MECOM: variants seen among roughly 807,000 people sequenced by gnomAD.
The protein encoded by MECOM is MDS1 and EVI1 complex locus.
MECOM carries 13 observed loss-of-function variants against 116.3 expected under a neutral mutation model. That is an observed-to-expected ratio of 0.11 (90% CI 0.07 to 0.18). The LOEUF is 0.18. Among genes scored for constraint, MECOM ranks in the 10% least tolerant of loss-of-function variants. The pLI is 1.00. For synonymous variants in MECOM, 528 were observed against 535.2 expected, an observed-to-expected ratio of 0.99 and a Z score of 0.19; for missense variants, 1,299 against 1,509.0, an observed-to-expected ratio of 0.86 and a Z score of 2.31.
chr3:169,183,491 A>C (rs1746253671), intron 2 of MECOM, among the ~76,000 whole-genome samples: 1 of 152,120 alleles, frequency 6.6e-6, no homozygotes, highest in South Asian at 2.1e-4. Context: ...AAGATCAACC[A>C]TCCTAAATAC....
chr3:169,175,603 T>C (rs1046807357), intron 2 of MECOM, among the ~76,000 whole-genome samples: 1 of 152,200 alleles, frequency 6.6e-6, no homozygotes, highest in African/African-American at 2.4e-5. Flanking sequence ...ACACTCAACC[T>C]GTATTATTTC....
At chr3:169,100,347 C>T (rs915054646) in intron 12 of MECOM, among the ~76,000 whole-genome samples, 1 of 152,044 alleles carries the variant, frequency 6.6e-6, no homozygotes. Flanking sequence ...GATCCACCTG[C>T]CTCTGCCTCC....
intron 2 of MECOM, among the ~76,000 whole-genome samples, chr3:169,217,276 T>C (rs1233976579): frequency 2.0e-5 from 3 of 152,132 alleles, no homozygotes. Flanking sequence ...CTTTTTTTTT[T>C]AATAAAACAT....
chr3:169,581,107 C>T (rs1187734335), intron 1 of MECOM, among the ~76,000 whole-genome samples: 1 of 152,206 alleles, frequency 6.6e-6, no homozygotes, highest in South Asian at 2.1e-4. Context: ...AGCATCATAA[C>T]ACAGAGGCTA....
At chr3:169,489,566 G>T (rs1327342618) in intron 1 of MECOM, among the ~76,000 whole-genome samples, 1 of 152,140 alleles carries the variant, frequency 6.6e-6, no homozygotes, top group Non-Finnish European at 1.5e-5. Context: ...TCAGGACAGG[G>T]ACCCAAGGAA....
chr3:169,167,295 C>G (rs919422268), intron 2 of MECOM, among the ~76,000 whole-genome samples: 1 of 152,174 alleles, frequency 6.6e-6, no homozygotes, highest in Non-Finnish European at 1.5e-5. Flanking sequence ...CATATTCACC[C>G]CCTGTGCCTT....
intron 1 of MECOM, among the ~76,000 whole-genome samples, chr3:169,457,521 C>T (rs1746730589): frequency 6.6e-6 from 1 of 152,104 alleles, no homozygotes; most frequent in Non-Finnish European, 1.5e-5. Flanking sequence ...CTGATCATAT[C>T]AGGCCAACTT....
intron 2 of MECOM, among the ~76,000 whole-genome samples, chr3:169,214,427 TA>T (rs567724280): frequency 0.033 from 4,446 of 136,702 alleles, 179 homozygotes; most frequent in African/African-American, 0.11. Flanking sequence ...CAGGAGTGTT[TA>T]AAAAAAAAAA....
chr3:169,479,270 AGTGT>A (rs10629993), intron 1 of MECOM, among the ~76,000 whole-genome samples: 3,216 of 148,686 alleles, frequency 0.022, 42 homozygotes, highest in Non-Finnish European at 0.031. Context: ...TAGGGATGTG[AGTGT>A]GTGTGTGTGT....
At chr3:169,360,661 C>A (rs1312385011) in intron 2 of MECOM, among the ~76,000 whole-genome samples, 1 of 151,674 alleles carries the variant, frequency 6.6e-6, no homozygotes, top group Non-Finnish European at 1.5e-5. Flanking sequence ...ATTTAACAGG[C>A]CATTGATGGA....
chr3:169,387,184 A>C (rs1676345321), intron 1 of MECOM, among the ~76,000 whole-genome samples: 1 of 151,952 alleles, frequency 6.6e-6, no homozygotes, highest in African/African-American at 2.4e-5. Context: ...ATTCCCTTGA[A>C]TTTTCTTTGA....
At chr3:169,356,418 T>C (rs1451861486) in intron 2 of MECOM, among the ~76,000 whole-genome samples, 1 of 151,908 alleles carries the variant, frequency 6.6e-6, no homozygotes, top group African/African-American at 2.4e-5. Flanking sequence ...CTTGTGGATG[T>C]TTTAACAAAA....
intron 1 of MECOM, among the ~76,000 whole-genome samples, chr3:169,411,714 G>A (rs1737584716): frequency 6.6e-6 from 1 of 152,218 alleles, no homozygotes; most frequent in African/African-American, 2.4e-5. Flanking sequence ...TTTCTGACTG[G>A]GCGCAGTGGC....
chr3:169,557,847 T>A (rs1762210100), intron 1 of MECOM, among the ~76,000 whole-genome samples: 1 of 152,226 alleles, frequency 6.6e-6, no homozygotes, highest in South Asian at 2.1e-4. Flanking sequence ...ATCATGCAGC[T>A]TCTAGGACAA....
chr3:169,572,977 G>GA (rs200178352), intron 1 of MECOM, among the ~76,000 whole-genome samples: 2,904 of 148,860 alleles, frequency 0.02, 99 homozygotes, highest in African/African-American at 0.067. Context: ...TAAAGTATAA[G>GA]AAAAAAAAAA....
At chr3:169,483,757 G>A (rs1318637528) in intron 1 of MECOM, 11 of 1,608,096 alleles carry the variant, frequency 6.8e-6, no homozygotes, top group African/African-American at 2.7e-5. Flanking sequence ...GCAACTACGC[G>A]CAACCAGTCA....
chr3:169,498,353 G>A (rs903002011), intron 1 of MECOM, among the ~76,000 whole-genome samples: 2 of 152,134 alleles, frequency 1.3e-5, no homozygotes, highest in Non-Finnish European at 2.9e-5. Context: ...AGAAATAATG[G>A]ATAATGATTT....
chr3:169,581,129 T>C (rs1765074276), intron 1 of MECOM, among the ~76,000 whole-genome samples: 1 of 152,184 alleles, frequency 6.6e-6, no homozygotes. Context: ...GCTCACATAG[T>C]GAACAGGTCT....
chr3:169,145,605 A>T, intron 2 of MECOM: 2 of 225,012 alleles, frequency 8.9e-6, no homozygotes, highest in Non-Finnish European at 1.8e-5. Context: ...TAAAGGACAT[A>T]GAATAAAGCC....
Sources: gnomAD v4.1 joint callset for allele counts (sites outside exome capture counted in the v4.1 genomes callset) on GRCh38, gnomAD v4.1.1 for gene constraint, MANE v1.5 for transcripts, NCBI Gene and HGNC (gene_info 2026-07-23, HGNC 2026-07-21) for gene names.